Variants in NALF1 observed in about 807,000 individuals in gnomAD.
NALF1 encodes the protein family with sequence similarity 155 member A.
NALF1 carries 3 observed loss-of-function variants against 48.4 expected under a neutral mutation model. That is an observed-to-expected ratio of 0.06 (90% CI 0.03 to 0.16). The LOEUF (loss-of-function observed/expected upper bound fraction) is 0.16. NALF1 is among the 10% of genes least tolerant of loss of function. The probability of loss-of-function intolerance (pLI) is 1.00; values close to 1 mark genes in which losing one functional copy is unlikely to be tolerated. For missense variants in NALF1, 526 were observed against 571.5 expected (o/e 0.92, Z 0.81); for synonymous variants, 262 against 245.7 (o/e 1.07, Z -0.62).
intron 1 of NALF1, among the ~76,000 whole-genome samples, chr13:107,763,604 C>T (rs1351525147): frequency 6.6e-6 from 1 of 151,678 alleles, no homozygotes; most frequent in Non-Finnish European, 1.5e-5. Context: ...TTGTCTTATA[C>T]AAACAACATT....
In NALF1 at chr13:107,358,165, C is replaced by CGT. The variant is rs767728404; in HGVS notation, c.916-147411_916-147410insAC. On this transcript the variant is annotated intron_variant, in intron 1 of 2. Coordinates refer to ENST00000375915, the MANE Select transcript of NALF1 (RefSeq NM_001080396.3). Reference sequence around the variant, plus strand: ...GTTTATACCTATTTTATATACGTAACATATGTGTGTGTGTGTGTGTGTGTG... The same window carrying CGT: ...GTTTATACCTATTTTATATACGTAACGTATATGTGTGTGTGTGTGTGTGTGTG... Among the ~76,000 whole-genome samples, 492 of 112,924 alleles carry CGT rather than the reference C, an allele frequency of 4.4e-3. 3 individuals carry two copies. Among genetic ancestry groups the CGT allele is most frequent in the East Asian group, 0.031 (92 of 2,990 alleles). The allele number at this position is 112,924 out of a possible 152,430, so 74.1% of individuals were successfully genotyped here. A position where few individuals can be genotyped will look rare whatever the true frequency, so the allele number is the denominator to read the frequency against.
At chr13:107,741,077 C>T (rs1485740537) in intron 1 of NALF1, among the ~76,000 whole-genome samples, 1 of 152,140 alleles carries the variant, frequency 6.6e-6, no homozygotes, top group African/African-American at 2.4e-5. Flanking sequence ...GTATCAGTAG[C>T]GTTTTGTGAA....
intron 1 of NALF1, among the ~76,000 whole-genome samples, chr13:107,735,605 G>A (rs749100674): frequency 2.6e-5 from 4 of 152,152 alleles, no homozygotes; most frequent in Admixed American, 1.3e-4. Flanking sequence ...TGTGATATCC[G>A]TACGAATTCA....
intron 2 of NALF1, among the ~76,000 whole-genome samples, chr13:107,176,557 G>T (rs527923671): frequency 1.3e-5 from 2 of 152,032 alleles, no homozygotes; most frequent in African/African-American, 4.8e-5. Context: ...CAGGAGAATG[G>T]CGTGAACCCG....
At chr13:107,542,114 G>A (rs991134001) in intron 1 of NALF1, among the ~76,000 whole-genome samples, 7 of 151,974 alleles carry the variant, frequency 4.6e-5, no homozygotes, top group African/African-American at 1.2e-4. Context: ...AAACCAAAAT[G>A]TAGTTTATCT....
Position 107,575,984 on chromosome 13 carries a change from GTGTGTGCATGTATA to G in NALF1, c.915+289684_915+289697del, listed in dbSNP as rs564802394. On this transcript the variant is annotated intron_variant, in intron 1 of 2. Transcript: ENST00000375915. ...GTTGGGTGTGTGTGTGTGCATATGTGTGTGTGCATGTATATGTGTGTGTGTGTACCTGTGTCTGT... is the reference window on the plus strand; with the variant it reads ...GTTGGGTGTGTGTGTGTGCATATGTGTGTGTGTGTGTGTACCTGTGTCTGT... 3.5e-3 allele frequency among the ~76,000 whole-genome samples: 332 copies of G among 95,428 alleles called. 2 individuals carry two copies. The highest frequency in any genetic ancestry group is 0.028 in the South Asian group (56 of 2,030). 62.6% of individuals were successfully genotyped at this position (95,428 alleles called of 152,430 possible). A position where few individuals can be genotyped will look rare whatever the true frequency, so the allele number is the denominator to read the frequency against.
intron 1 of NALF1, among the ~76,000 whole-genome samples, chr13:107,381,003 T>C (rs555213479): frequency 6.8e-6 from 1 of 147,084 alleles, no homozygotes; most frequent in South Asian, 2.2e-4. Context: ...AAAGAATACA[T>C]ACATTTTAGT....
chr13:107,228,538 G>A (rs568383114), intron 1 of NALF1, among the ~76,000 whole-genome samples: 1 of 152,250 alleles, frequency 6.6e-6, no homozygotes, highest in South Asian at 2.1e-4. Flanking sequence ...TCAAACATAT[G>A]CCAAGAAATA....
chr13:107,638,337 C>A (rs2138455797), intron 1 of NALF1, among the ~76,000 whole-genome samples: 1 of 151,750 alleles, frequency 6.6e-6, no homozygotes, highest in East Asian at 2.0e-4. Flanking sequence ...TATTACTAGA[C>A]CTGTTTGTTT....
chr13:107,817,819 C>T (rs755085867), intron 1 of NALF1, among the ~76,000 whole-genome samples: 14 of 150,610 alleles, frequency 9.3e-5, no homozygotes, highest in Non-Finnish European at 1.9e-4. Flanking sequence ...TAAACCTCCT[C>T]AGCACACCAT....
At chr13:107,791,784 C>A (rs11840762) in intron 1 of NALF1, among the ~76,000 whole-genome samples, 4 of 151,674 alleles carry the variant, frequency 2.6e-5, no homozygotes, top group African/African-American at 4.8e-5. Context: ...TCCCCGCCCC[C>A]CCCCGTCTCT....
At chr13:107,569,403 C>T (rs1156349859) in intron 1 of NALF1, among the ~76,000 whole-genome samples, 1 of 151,700 alleles carries the variant, frequency 6.6e-6, no homozygotes, top group Non-Finnish European at 1.5e-5. Flanking sequence ...ACCCGGGGGG[C>T]GGAGCTTGCA....
chr13:107,862,487 A>G (rs1262158237), intron 1 of NALF1, among the ~76,000 whole-genome samples: 1 of 152,076 alleles, frequency 6.6e-6, no homozygotes, highest in Non-Finnish European at 1.5e-5. Flanking sequence ...CTGCTGTAGT[A>G]TTTACTACTC....
At chr13:107,386,607 T>C (rs565854704) in intron 1 of NALF1, among the ~76,000 whole-genome samples, 25 of 152,316 alleles carry the variant, frequency 1.6e-4, no homozygotes, top group Non-Finnish European at 3.1e-4. Flanking sequence ...TGTGTGATCC[T>C]TGACAATCAC....
chr13:107,498,411 T>G (rs937392798), intron 1 of NALF1, among the ~76,000 whole-genome samples: 8 of 152,172 alleles, frequency 5.3e-5, no homozygotes, highest in Non-Finnish European at 1.2e-4. Context: ...CCTGGAGATG[T>G]CTGCTTTCCT....
chr13:107,721,826 C>T (rs142718864), intron 1 of NALF1, among the ~76,000 whole-genome samples: 16 of 152,286 alleles, frequency 1.1e-4, no homozygotes, highest in African/African-American at 3.8e-4. Flanking sequence ...AACTGCAGCG[C>T]GGTGAGGAGA....
chr13:107,754,329 A>G (rs1398665520), intron 1 of NALF1, among the ~76,000 whole-genome samples: 1 of 150,268 alleles, frequency 6.7e-6, no homozygotes, highest in East Asian at 2.0e-4. Flanking sequence ...CAGGTTACCT[A>G]GGAATTGTAT....
In NALF1 at chr13:107,829,633, C is replaced by A. The variant is rs1159199812; in HGVS notation, c.915+36049G>T. On this transcript the variant is annotated intron_variant, in intron 1 of 2. Coordinates refer to ENST00000375915, the MANE Select transcript of NALF1 (RefSeq NM_001080396.3). ...ATTAAATTTAAGACAACTGTATTAA[C>A]TGCAAATCTAAGTATTATTGTTGCT... 3.3e-5 allele frequency among the ~76,000 whole-genome samples: 5 copies of A among 151,944 alleles called. No homozygotes were observed. The East Asian group carries it at 9.6e-4, about 29-fold the overall frequency.
intron 1 of NALF1, among the ~76,000 whole-genome samples, chr13:107,415,542 C>T (rs1435833991): frequency 6.6e-6 from 1 of 151,728 alleles, no homozygotes; most frequent in East Asian, 1.9e-4. Flanking sequence ...ATTTCATTAT[C>T]CTGAAAAAAA....
Sources: allele counts gnomAD v4.1 joint callset (sites outside exome capture counted in the v4.1 genomes callset), GRCh38; gene constraint gnomAD v4.1.1; transcripts MANE v1.5; gene names NCBI Gene and HGNC (gene_info 2026-07-23, HGNC 2026-07-21).